MAP2K5: variants seen among roughly 807,000 people sequenced by gnomAD.
MAP2K5 encodes mitogen-activated protein kinase kinase 5, also known as dual specificity mitogen-activated protein kinase kinase 5.
MAP2K5 carries 49 observed loss-of-function variants against 83.1 expected under a neutral mutation model. The ratio of observed to expected loss-of-function variants is 0.59; its 90% CI spans 0.47 to 0.75. MAP2K5 has a LOEUF of 0.75. MAP2K5 is among the 30% of genes least tolerant of loss of function. The pLI is 0.00. For missense variants in MAP2K5, 457 were observed against 557.5 expected, an observed-to-expected ratio of 0.82 and a Z score of 1.82; for synonymous variants, 202 against 191.8, an observed-to-expected ratio of 1.05 and a Z score of -0.44.
At chr15:67,578,768 G>T (rs891634581) in intron 3 of MAP2K5, among the ~76,000 whole-genome samples, 1 of 152,076 alleles carries the variant, frequency 6.6e-6, no homozygotes, top group African/African-American at 2.4e-5. Flanking sequence ...TATTTATTCT[G>T]TGAGGTAAAT....
At chr15:67,712,239 C>A (rs1460648019) in intron 16 of MAP2K5, among the ~76,000 whole-genome samples, 2 of 152,176 alleles carry the variant, frequency 1.3e-5, no homozygotes, top group African/African-American at 2.4e-5. Context: ...CAGAGACTTT[C>A]TCTAGGGAAA....
Position 67,543,586 on chromosome 15 carries a change from T to C in MAP2K5, c.135+116T>C. ...GGCAATGGCTACTGCTGGCTTCCTG[T>C]GGAGGCAGTTTTATTGCTTCAGGCA... is the stretch of plus-strand genomic sequence containing the variant. On this transcript the variant is annotated intron_variant, in intron 1 of 21. Coordinates refer to ENST00000178640, the MANE Select transcript of MAP2K5 (RefSeq NM_145160.3). The surrounding 1 kb of genome is among the most constrained non-coding windows in gnomAD (Gnocchi z 4.3). 8.2e-7 allele frequency: 1 copy of C among 1,216,076 alleles called. No homozygotes were observed. The highest frequency in any genetic ancestry group is 1.2e-6 in the Non-Finnish European group (1 of 854,036). The allele number at this position is 1,216,076 out of a possible 1,614,324, so 75.3% of individuals were successfully genotyped here. A position where few individuals can be genotyped will look rare whatever the true frequency, so the allele number is the denominator to read the frequency against.
In MAP2K5 at chr15:67,592,957, A is replaced by G; in HGVS notation, c.463A>G (p.Ile155Val). ...LKKSSAELKKILANGQMNEQD... is the reference protein window; with the variant it reads ...LKKSSAELKKVLANGQMNEQD... ...GAAGTCTTCTGCTGAACTGAAAAAA[A>G]TACTAGCCAATGGCCAGGTAGGTAT... Residue 155 changes from isoleucine (I) to valine (V), a missense_variant, in exon 7 of 22, where the codon ATA (isoleucine) becomes GTA (valine). By Grantham distance (29) the Ile-to-Val change is conservative. This residue lies in a region of MAP2K5 where 234 missense variants were observed against 243.6 expected (regional missense o/e 0.96). Coordinates refer to ENST00000178640, the MANE Select transcript of MAP2K5 (RefSeq NM_145160.3). 1 of 1,606,738 alleles carries G rather than the reference A, an allele frequency of 6.2e-7. No individual in the cohort carries two copies. The highest frequency in any genetic ancestry group is 8.5e-7 in the Non-Finnish European group (1 of 1,175,086).
At chr15:67,713,194 G>T (rs1007218501) in intron 16 of MAP2K5, among the ~76,000 whole-genome samples, 1 of 151,866 alleles carries the variant, frequency 6.6e-6, no homozygotes, top group Non-Finnish European at 1.5e-5. Flanking sequence ...GTGAGTTTTT[G>T]TTGAGGATTA....
At chr15:67,744,448 A>G (rs985974103) in intron 17 of MAP2K5, among the ~76,000 whole-genome samples, 5 of 152,262 alleles carry the variant, frequency 3.3e-5, no homozygotes, top group African/African-American at 7.2e-5. Context: ...AAATTTGTCA[A>G]CTGATATTGG....
chr15:67,745,930 G>A (rs2089595981), intron 17 of MAP2K5, among the ~76,000 whole-genome samples: 1 of 152,130 alleles, frequency 6.6e-6, no homozygotes, highest in Admixed American at 6.5e-5. Flanking sequence ...TTATGAAGAT[G>A]ATTTCATATA....
intron 15 of MAP2K5, among the ~76,000 whole-genome samples, chr15:67,695,321 C>A (rs2088224763): frequency 6.6e-6 from 1 of 151,876 alleles, no homozygotes; most frequent in Admixed American, 6.6e-5. Context: ...TAATTCTAAA[C>A]CTAAACCTTC....
intron 21 of MAP2K5, among the ~76,000 whole-genome samples, chr15:67,795,003 C>T (rs1330833135): frequency 6.6e-6 from 1 of 152,252 alleles, no homozygotes; most frequent in Non-Finnish European, 1.5e-5. Context: ...CTCATTGGCA[C>T]CTTGCCAGCC....
intron 2 of MAP2K5, among the ~76,000 whole-genome samples, chr15:67,554,103 G>A (rs908274621): frequency 7.2e-4 from 110 of 152,144 alleles, no homozygotes; most frequent in African/African-American, 2.5e-3. Flanking sequence ...TGTCACCCAG[G>A]CTGGAGAGTG....
intron 3 of MAP2K5, among the ~76,000 whole-genome samples, chr15:67,575,509 T>C (rs1242260387): frequency 6.6e-6 from 1 of 152,148 alleles, no homozygotes; most frequent in Non-Finnish European, 1.5e-5. Context: ...CTGCACAGGG[T>C]GTGAGCGAAG....
At chr15:67,568,150 T>G (rs2084879760) in intron 3 of MAP2K5, among the ~76,000 whole-genome samples, 1 of 152,196 alleles carries the variant, frequency 6.6e-6, no homozygotes. Flanking sequence ...TTTCCCACAT[T>G]GCCAGGAGAG....
chr15:67,556,367 CT>C (rs2084624841), intron 2 of MAP2K5, among the ~76,000 whole-genome samples: 1 of 152,024 alleles, frequency 6.6e-6, no homozygotes, highest in African/African-American at 2.4e-5. Context: ...TTAGAAAGGT[CT>C]TCTACAGTCC....
intron 17 of MAP2K5, among the ~76,000 whole-genome samples, chr15:67,737,654 A>T (rs1043896057): frequency 6.6e-6 from 1 of 151,958 alleles, no homozygotes; most frequent in Non-Finnish European, 1.5e-5. Flanking sequence ...GGTCCCAGAG[A>T]CCACGAGGAG....
intron 9 of MAP2K5, among the ~76,000 whole-genome samples, chr15:67,634,373 A>AG (rs1200362622): frequency 2.1e-5 from 1 of 48,156 alleles, no homozygotes; most frequent in Non-Finnish European, 3.5e-5. Context: ...ATCTCAAAAA[A>AG]AAAAAAAAAA....
At chr15:67,548,121 G>C (rs2084433942) in intron 1 of MAP2K5, among the ~76,000 whole-genome samples, 1 of 152,168 alleles carries the variant, frequency 6.6e-6, no homozygotes, top group Admixed American at 6.5e-5. Flanking sequence ...GTTTTCAGTT[G>C]GTTGTTAGAA....
At chr15:67,634,268 C>CTAAGG (rs969112286) in intron 9 of MAP2K5, among the ~76,000 whole-genome samples, 21 of 148,414 alleles carry the variant, frequency 1.4e-4, no homozygotes, top group African/African-American at 4.7e-4. Context: ...ACTTGGGAGG[C>CTAAGG]TAAGGTGGGA....
At chr15:67,804,524 C>G (rs772762764) in intron 21 of MAP2K5, among the ~76,000 whole-genome samples, 1 of 152,274 alleles carries the variant, frequency 6.6e-6, no homozygotes, top group African/African-American at 2.4e-5. Context: ...CCTCTCCCCT[C>G]GCCTACCGGG....
At chr15:67,693,068 C>A (rs981184419) in intron 14 of MAP2K5, among the ~76,000 whole-genome samples, 1 of 152,146 alleles carries the variant, frequency 6.6e-6, no homozygotes, top group African/African-American at 2.4e-5. Flanking sequence ...AACACGAAGA[C>A]CAAAGCGAAG....
rs1034697440 is a variant in MAP2K5, at chr15:67,555,356, A to T, written c.184+5274A>T. Among the ~76,000 whole-genome samples, 1 of 152,182 alleles carries T rather than the reference A, an allele frequency of 6.6e-6. No homozygotes were observed. Among genetic ancestry groups the T allele is most frequent in the Non-Finnish European group, 1.5e-5 (1 of 68,022 alleles). On this transcript the variant is annotated intron_variant, in intron 2 of 21. Transcript: ENST00000178640. This position sits in a 1 kb window ranked among gnomAD's most constrained non-coding sequence, Gnocchi z 5.2. ...ACCAACAGAGTGAGAACCCACTACC[A>T]TAGAGAGGGCACTGAGTCATTCATG...
Sources: gnomAD v4.1 joint callset for allele counts (sites outside exome capture counted in the v4.1 genomes callset) on GRCh38, gnomAD v4.1.1 for gene constraint, gnomAD v4.1.1 regional missense constraint, Gnocchi (gnomAD v3.1) non-coding constraint, MANE v1.5 for transcripts, NCBI Gene and HGNC (gene_info 2026-07-23, HGNC 2026-07-21) for gene names.